The following RHOU variants were observed in gnomAD, a reference collection of about 807,000 sequenced individuals.
The protein encoded by RHOU is ras homolog family member U.
In RHOU, 8 loss-of-function variants were observed where a neutral mutation model predicts 12.6. The ratio of observed to expected loss-of-function variants is 0.64; its 90% CI spans 0.37 to 1.15. RHOU has a LOEUF of 1.15. RHOU is among the 50% of genes most tolerant of loss of function. The pLI is 0.01. For missense variants in RHOU, 258 were observed against 347.0 expected (o/e 0.74, Z 2.04); for synonymous variants, 161 against 147.4 (o/e 1.09, Z -0.67).
chr1:228,731,255 G>A (rs550209790), upstream of RHOU, among the ~76,000 whole-genome samples: 2 of 152,316 alleles, frequency 1.3e-5, no homozygotes, highest in South Asian at 4.1e-4. Flanking sequence ...ATCCACATAA[G>A]GGGTCAGGGA....
At chr1:228,742,350 A>G (rs1182879953) in intron 2 of RHOU, among the ~76,000 whole-genome samples, 1 of 152,182 alleles carries the variant, frequency 6.6e-6, no homozygotes. Flanking sequence ...GGTGATGTTC[A>G]GTGTGTCTGT....
the RHOU span, chr1:228,650,213 A>T: frequency 2.2e-6 from 1 of 456,876 alleles, no homozygotes; most frequent in Admixed American, 2.3e-5. Context: ...GCCCATGGGG[A>T]CCCTGGCCTT....
At chr1:228,731,641 C>T (rs986539691), upstream of RHOU, among the ~76,000 whole-genome samples, 3 of 152,286 alleles carry the variant, frequency 2.0e-5, no homozygotes, top group East Asian at 5.8e-4. Flanking sequence ...GAGGAGGTGA[C>T]ACCTAAGCGG....
chr1:228,704,727 G>C, the RHOU span, among the ~76,000 whole-genome samples: 1 of 151,980 alleles, frequency 6.6e-6, no homozygotes, highest in Non-Finnish European at 1.5e-5. Context: ...CAGAGTGCTA[G>C]GATAACAGGG....
At chr1:228,661,620 A>G in the RHOU span, among the ~76,000 whole-genome samples, 2 of 152,242 alleles carry the variant, frequency 1.3e-5, no homozygotes, top group Non-Finnish European at 2.9e-5. Context: ...AAAACTGGCT[A>G]GCCATATGTA....
the RHOU span, among the ~76,000 whole-genome samples, chr1:228,690,895 C>T: frequency 8.5e-5 from 13 of 152,288 alleles, no homozygotes; most frequent in Non-Finnish European, 1.9e-4. Context: ...AGATTACAGG[C>T]GTGAGCCTCC....
At chr1:228,689,715 A>G in the RHOU span, among the ~76,000 whole-genome samples, 1 of 151,654 alleles carries the variant, frequency 6.6e-6, no homozygotes, top group Non-Finnish European at 1.5e-5. Context: ...TGAACTGTGC[A>G]TGTGAGGGAT....
the RHOU span, among the ~76,000 whole-genome samples, chr1:228,674,410 A>T: frequency 6.8e-6 from 1 of 147,590 alleles, no homozygotes; most frequent in African/African-American, 2.5e-5. Flanking sequence ...GCAGTGGTGC[A>T]ATTTCGGCTC....
intron 2 of RHOU, among the ~76,000 whole-genome samples, chr1:228,739,392 C>T (rs539284473): frequency 1.1e-4 from 16 of 151,958 alleles, no homozygotes; most frequent in Non-Finnish European, 4.4e-5. Context: ...GGTGAAACCC[C>T]GTCTCTACTA....
the RHOU span, chr1:228,650,333 A>T: frequency 2.2e-6 from 1 of 464,814 alleles, no homozygotes; most frequent in Non-Finnish European, 4.3e-6. Flanking sequence ...TGCCGGCCCT[A>T]CCTGGCCTTT....
the RHOU span, among the ~76,000 whole-genome samples, chr1:228,649,661 G>A: frequency 6.6e-5 from 10 of 152,088 alleles, no homozygotes; most frequent in South Asian, 2.1e-4. Flanking sequence ...AAGCTTTCCC[G>A]GGATCACATC....
At chr1:228,691,156 CAG>C in the RHOU span, among the ~76,000 whole-genome samples, 9 of 151,792 alleles carry the variant, frequency 5.9e-5, no homozygotes, top group Non-Finnish European at 1.3e-4. Context: ...ACAGAAAATG[CAG>C]AGAGTTCCCA....
chr1:228,704,284 T>C, the RHOU span, among the ~76,000 whole-genome samples: 1 of 152,080 alleles, frequency 6.6e-6, no homozygotes, highest in Non-Finnish European at 1.5e-5. Flanking sequence ...CCCAACCACC[T>C]TGGGCACATG....
chr1:228,663,046 A>G, the RHOU span, among the ~76,000 whole-genome samples: 1 of 152,208 alleles, frequency 6.6e-6, no homozygotes, highest in Non-Finnish European at 1.5e-5. Context: ...GTTTTTGTAT[A>G]TGGTTTTAAC....
At chr1:228,702,922 A>C in the RHOU span, among the ~76,000 whole-genome samples, 1 of 152,116 alleles carries the variant, frequency 6.6e-6, no homozygotes, top group African/African-American at 2.4e-5. Context: ...TATTGCTCTA[A>C]GTAGTTGTTA....
the RHOU span, among the ~76,000 whole-genome samples, chr1:228,720,742 C>T: frequency 6.6e-6 from 1 of 152,162 alleles, no homozygotes; most frequent in South Asian, 2.1e-4. Flanking sequence ...GTGGCCCTAG[C>T]AAACTAATTT....
At chr1:228,703,451 G>A in the RHOU span, among the ~76,000 whole-genome samples, 22 of 152,018 alleles carry the variant, frequency 1.4e-4, no homozygotes, top group African/African-American at 3.1e-4. Context: ...GCGTGAACCC[G>A]GGAGGTGATG....
the RHOU span, among the ~76,000 whole-genome samples, chr1:228,722,615 T>C: frequency 6.6e-6 from 1 of 150,562 alleles, no homozygotes; most frequent in Non-Finnish European, 1.5e-5. Context: ...ATCCATGGAG[T>C]TATCCTGACC....
the RHOU span, among the ~76,000 whole-genome samples, chr1:228,713,602 G>C: frequency 2.0e-5 from 3 of 152,074 alleles, no homozygotes. Context: ...AAAGTGCTGG[G>C]ATTTACAGGT....
Sources: allele counts gnomAD v4.1 joint callset (sites outside exome capture counted in the v4.1 genomes callset), GRCh38; gene constraint gnomAD v4.1.1; transcripts MANE v1.5; gene names NCBI Gene and HGNC (gene_info 2026-07-23, HGNC 2026-07-21).